Variants in PPP3CB observed in about 807,000 individuals in gnomAD.
PPP3CB encodes serine/threonine-protein phosphatase 2B catalytic subunit beta isoform.
PPP3CB carries 8 observed loss-of-function variants against 66.4 expected under a neutral mutation model. The ratio of observed to expected loss-of-function variants is 0.12; its 90% CI spans 0.07 to 0.22. The LOEUF is 0.22. Among genes scored for constraint, PPP3CB ranks in the 10% least tolerant of loss-of-function variants. The pLI, the probability that PPP3CB is intolerant of heterozygous loss-of-function variation, is 1.00. For synonymous variants in PPP3CB, 208 were observed against 221.2 expected (o/e 0.94, Z 0.53); for missense variants, 319 against 642.5 (o/e 0.50, Z 5.44).
chr10:73,485,492 A>G (rs934654506), intron 1 of PPP3CB, among the ~76,000 whole-genome samples: 35 of 152,270 alleles, frequency 2.3e-4, no homozygotes, highest in South Asian at 1.9e-3. Flanking sequence ...TGCCAAGTGA[A>G]TAACTTGACT....
intron 10 of PPP3CB, chr10:73,448,559 A>G (rs959763473): frequency 5.0e-5 from 25 of 504,002 alleles, no homozygotes; most frequent in Non-Finnish European, 8.6e-5. Flanking sequence ...AAGGCCCAAG[A>G]GGACTCTGCA....
intron 9 of PPP3CB, among the ~76,000 whole-genome samples, chr10:73,466,300 C>T (rs551213288): frequency 1.3e-5 from 2 of 152,238 alleles, no homozygotes; most frequent in South Asian, 2.1e-4. Flanking sequence ...TTAGATATAA[C>T]GAAATATTTC....
In PPP3CB at chr10:73,444,717, ATC is replaced by A; in HGVS notation, c.1366+6_1366+7del. The stretch of plus-strand genomic sequence containing the variant: ...TCTGAGGCACAGCAAGTTGCATAAC[ATC>A]ATTACCACTTTGCAGGGTCTGCCGT... On this transcript the variant is annotated splice_donor_region_variant and intron_variant, in intron 12 of 13. Coordinates refer to ENST00000360663, the MANE Select transcript of PPP3CB (RefSeq NM_021132.4). 2 of 1,614,174 alleles carry A rather than the reference ATC, an allele frequency of 1.2e-6. No homozygotes were observed. The highest frequency in any genetic ancestry group is 2.7e-5 in the African/African-American group (2 of 75,058).
chr10:73,449,810 T>C (rs573962785), intron 10 of PPP3CB, among the ~76,000 whole-genome samples: 2 of 152,284 alleles, frequency 1.3e-5, no homozygotes, highest in African/African-American at 4.8e-5. Context: ...GCTTTTTTTT[T>C]TTTGAGACCG....
chr10:73,480,030 G>A (rs956197100), intron 1 of PPP3CB, among the ~76,000 whole-genome samples: 13 of 151,862 alleles, frequency 8.6e-5, no homozygotes, highest in Middle Eastern at 3.4e-3. Flanking sequence ...TACCAAATAA[G>A]CCTAACTAGA....
intron 2 of PPP3CB, 60 bp downstream of exon 2, chr10:73,479,257 A>G (rs576312036): frequency 6.8e-7 from 1 of 1,461,062 alleles, no homozygotes; most frequent in Non-Finnish European, 9.6e-7. Flanking sequence ...GTAAGTTGTA[A>G]ATCCAGGCAA....
At chr10:73,472,554 G>A (rs1243994607) in intron 4 of PPP3CB, among the ~76,000 whole-genome samples, 3 of 151,242 alleles carry the variant, frequency 2.0e-5, no homozygotes, top group Non-Finnish European at 4.4e-5. Flanking sequence ...ACCTTTATCG[G>A]CCAAATAAGG....
intron 9 of PPP3CB, 28 bp downstream of exon 9, chr10:73,467,525 A>T (rs775654347): frequency 6.9e-7 from 1 of 1,454,744 alleles, no homozygotes; most frequent in South Asian, 1.4e-5. Context: ...GTAATAAAAC[A>T]AATTTTTTTT....
intron 1 of PPP3CB, among the ~76,000 whole-genome samples, chr10:73,490,726 TTCCCTCTCCCTC>T (rs1214953314): frequency 6.6e-6 from 1 of 152,162 alleles, no homozygotes; most frequent in Non-Finnish European, 1.5e-5. Context: ...TACCATAGTG[TTCCCTCTCCCTC>T]TCCCTCTCAC....
At chr10:73,477,016 A>G (rs2056801150) in intron 3 of PPP3CB, 1 of 381,240 alleles carries the variant, frequency 2.6e-6, no homozygotes, top group Admixed American at 3.6e-5. Flanking sequence ...TTCAGTATCT[A>G]CTAGGGAAGG....
chr10:73,451,592 G>C (rs894602629), intron 10 of PPP3CB, among the ~76,000 whole-genome samples: 2 of 141,026 alleles, frequency 1.4e-5, no homozygotes, highest in Non-Finnish European at 1.5e-5. Flanking sequence ...AAAGGAAGAA[G>C]GAAGGAAGGA....
At chr10:73,477,281 G>T in intron 3 of PPP3CB, 1 of 509,296 alleles carries the variant, frequency 2.0e-6, no homozygotes, top group Admixed American at 2.1e-5. Context: ...TCTACCTCTA[G>T]GAATTTGTCC....
chr10:73,459,418 G>A (rs1003004666), intron 9 of PPP3CB, among the ~76,000 whole-genome samples: 5 of 152,348 alleles, frequency 3.3e-5, no homozygotes, highest in Non-Finnish European at 5.9e-5. Flanking sequence ...CCCAGGAGAC[G>A]GAGCTTGCAG....
At chr10:73,450,188 C>A (rs1469276772) in intron 10 of PPP3CB, among the ~76,000 whole-genome samples, 1 of 152,200 alleles carries the variant, frequency 6.6e-6, no homozygotes, top group Non-Finnish European at 1.5e-5. Flanking sequence ...AAAAACTAAA[C>A]CCTTACTCTG....
intron 9 of PPP3CB, among the ~76,000 whole-genome samples, chr10:73,456,126 A>G (rs2056424170): frequency 6.6e-6 from 1 of 152,228 alleles, no homozygotes; most frequent in East Asian, 1.9e-4. Context: ...AGAAATGAAC[A>G]TATCCAAAAC....
At chr10:73,454,544 T>A in intron 9 of PPP3CB, 55 bp from the exon 10 acceptor site, 2 of 1,155,522 alleles carry the variant, frequency 1.7e-6, no homozygotes, top group Non-Finnish European at 2.5e-6. Context: ...TGTCTATACA[T>A]ACACATAGCA....
chr10:73,458,727 T>C (rs1231351735), intron 9 of PPP3CB, among the ~76,000 whole-genome samples: 2 of 151,430 alleles, frequency 1.3e-5, no homozygotes, highest in Non-Finnish European at 2.9e-5. Context: ...TTAAAATATA[T>C]ATATTTTTTC....
chr10:73,448,317 T>C (rs1345301690), intron 10 of PPP3CB, among the ~76,000 whole-genome samples: 1 of 152,172 alleles, frequency 6.6e-6, no homozygotes, highest in Non-Finnish European at 1.5e-5. Flanking sequence ...TCATGCATCA[T>C]ATTAAAGTAA....
chr10:73,446,972 A>T (rs2056267296), intron 10 of PPP3CB, among the ~76,000 whole-genome samples: 1 of 152,266 alleles, frequency 6.6e-6, no homozygotes, highest in Admixed American at 6.5e-5. Flanking sequence ...GCAGACTAAC[A>T]GACAAGAATT....
Sources: allele counts gnomAD v4.1 joint callset (sites outside exome capture counted in the v4.1 genomes callset), GRCh38; gene constraint gnomAD v4.1.1; transcripts MANE v1.5; gene names NCBI Gene and HGNC (gene_info 2026-07-23, HGNC 2026-07-21).